The following PRKN variants were observed in gnomAD, a reference collection of about 807,000 sequenced individuals.
The protein encoded by PRKN is E3 ubiquitin-protein ligase parkin.
In PRKN, 56 loss-of-function variants were observed where a neutral mutation model predicts 59.5. The observed-to-expected ratio is 0.94, with a 90% CI of 0.76 to 1.18. PRKN has a LOEUF of 1.18. Ranked by LOEUF, PRKN falls within the 50% of genes most tolerant of loss-of-function variation. The probability of loss-of-function intolerance (pLI) is 0.00; values close to 1 mark genes in which losing one functional copy is unlikely to be tolerated. For missense variants in PRKN, 657 were observed against 596.4 expected, an observed-to-expected ratio of 1.10 and a Z score of -1.06; for synonymous variants, 250 against 222.1, an observed-to-expected ratio of 1.13 and a Z score of -1.12.
intron 1 of PRKN, among the ~76,000 whole-genome samples, chr6:162,685,684 C>T (rs1012227439): frequency 6.6e-6 from 1 of 152,182 alleles, no homozygotes; most frequent in Non-Finnish European, 1.5e-5. Flanking sequence ...AATTATCTTT[C>T]GTATGCTCAC....
At chr6:161,938,864 A>G (rs1289438889) in intron 6 of PRKN, among the ~76,000 whole-genome samples, 2 of 152,210 alleles carry the variant, frequency 1.3e-5, no homozygotes, top group Non-Finnish European at 2.9e-5. Flanking sequence ...GATACGTTTC[A>G]GCATTTGTGA....
chr6:162,105,492 C>T (rs979204770), intron 4 of PRKN, among the ~76,000 whole-genome samples: 2 of 152,216 alleles, frequency 1.3e-5, no homozygotes, highest in Non-Finnish European at 2.9e-5. Flanking sequence ...ACCTCCACTT[C>T]CTGGGTTCGA....
intron 4 of PRKN, among the ~76,000 whole-genome samples, chr6:162,174,966 T>C (rs1264078736): frequency 5.9e-5 from 9 of 152,208 alleles, no homozygotes; most frequent in African/African-American, 1.7e-4. Flanking sequence ...TTTAGATAAC[T>C]TGGAAATTAC....
At chr6:162,403,264 C>G (rs966519051) in intron 2 of PRKN, among the ~76,000 whole-genome samples, 10 of 152,040 alleles carry the variant, frequency 6.6e-5, no homozygotes, top group African/African-American at 2.4e-4. Context: ...CTCCTGCCAG[C>G]GAATGCTTGC....
At position 161,630,447 on chromosome 6, in the gene PRKN, T is replaced by C. The variant is rs191056867; in HGVS notation, c.872-61031A>G. Among the ~76,000 whole-genome samples, 3 of 152,316 alleles carry C rather than the reference T, an allele frequency of 2.0e-5. No individual in the cohort carries two copies. The East Asian group carries it at 5.8e-4, about 29-fold the overall frequency. On this transcript the variant is annotated intron_variant, in intron 7 of 11. Coordinates refer to ENST00000366898, the MANE Select transcript of PRKN (RefSeq NM_004562.3). ...GACATAGTTTATACTGTCATCATAATAGAATTTCAGAACTGAAATTAAATA... is the reference window on the plus strand; with the variant it reads ...GACATAGTTTATACTGTCATCATAACAGAATTTCAGAACTGAAATTAAATA...
chr6:161,789,674 G>A (rs1168419142), intron 6 of PRKN, among the ~76,000 whole-genome samples: 1 of 152,066 alleles, frequency 6.6e-6, no homozygotes, highest in Non-Finnish European at 1.5e-5. Context: ...CCTGACTTTT[G>A]TTTAAAGTGT....
At chr6:161,896,853 T>C (rs959836062) in intron 6 of PRKN, among the ~76,000 whole-genome samples, 1 of 152,344 alleles carries the variant, frequency 6.6e-6, no homozygotes, top group African/African-American at 2.4e-5. Context: ...TTTCTGGTCA[T>C]GTTCTATTCC....
chr6:162,229,504 C>A (rs921625923), intron 3 of PRKN, among the ~76,000 whole-genome samples: 6 of 152,160 alleles, frequency 3.9e-5, no homozygotes. Context: ...CTGGGCTTTT[C>A]TTTTAGAAAC....
At chr6:161,766,296 C>T (rs1789418021) in intron 7 of PRKN, among the ~76,000 whole-genome samples, 2 of 148,454 alleles carry the variant, frequency 1.3e-5, no homozygotes, top group South Asian at 2.2e-4. Context: ...AAAACTTATG[C>T]CTGCTGTCAT....
At position 161,795,191 on chromosome 6, in the gene PRKN, G is replaced by A. The variant is rs191643205; in HGVS notation, c.735-9283C>T. Among the ~76,000 whole-genome samples the A allele has an allele frequency of 9.7e-4, 140 of 143,780 alleles. No homozygotes were observed. The Middle Eastern group carries it at 0.012, about 13-fold the overall frequency. The allele number at this position is 143,780 out of a possible 152,430, so 94.3% of individuals were successfully genotyped here. A position where few individuals can be genotyped will look rare whatever the true frequency, so the allele number is the denominator to read the frequency against. On this transcript the variant is annotated intron_variant, in intron 6 of 11. Transcript: ENST00000366898. Reference sequence around the variant, plus strand: ...GAGTCACCGTGCCTGGCCTAACTTAGTATTATTACATGTTATTTGTATTAC... The same window carrying A: ...GAGTCACCGTGCCTGGCCTAACTTAATATTATTACATGTTATTTGTATTAC...
intron 7 of PRKN, among the ~76,000 whole-genome samples, chr6:161,710,982 T>C (rs1451790519): frequency 6.7e-6 from 1 of 148,906 alleles, no homozygotes; most frequent in Non-Finnish European, 1.5e-5. Flanking sequence ...TACCCTCTTT[T>C]CCCCTTTCCT....
intron 5 of PRKN, among the ~76,000 whole-genome samples, chr6:162,017,679 T>C (rs1462493188): frequency 6.6e-6 from 1 of 152,194 alleles, no homozygotes; most frequent in Non-Finnish European, 1.5e-5. Context: ...ATCTAATTAA[T>C]TCAGATATTT....
intron 5 of PRKN, among the ~76,000 whole-genome samples, chr6:162,052,724 T>C (rs2128285074): frequency 6.6e-6 from 1 of 152,274 alleles, no homozygotes; most frequent in Non-Finnish European, 1.5e-5. Flanking sequence ...TCTAACATTA[T>C]ACACATAATG....
rs1437885023 is a variant in PRKN, at chr6:161,391,184, C to T, written c.1084-4307G>A. On this transcript the variant is annotated intron_variant, in intron 9 of 11. Coordinates refer to ENST00000366898, the MANE Select transcript of PRKN (RefSeq NM_004562.3). This position sits in a 1 kb window ranked among gnomAD's most constrained non-coding sequence, Gnocchi z 4.9. The stretch of plus-strand genomic sequence containing the variant: ...AGCTGCATGTCTCATATCTGGGGCG[C>T]CTGGATCCTTCTTTAACCAACCATG... Among the ~76,000 whole-genome samples the T allele has an allele frequency of 6.6e-6, 1 of 152,082 alleles. No individual in the cohort carries two copies. The highest frequency in any genetic ancestry group is 1.5e-5 in the Non-Finnish European group (1 of 68,040).
intron 2 of PRKN, among the ~76,000 whole-genome samples, chr6:162,345,665 G>T (rs886312956): frequency 1.1e-4 from 16 of 152,082 alleles, no homozygotes; most frequent in Admixed American, 1.0e-3. Context: ...CCTGTTGTTA[G>T]CATACAGAAA....
At chr6:162,326,418 G>A (rs1161641241) in intron 2 of PRKN, among the ~76,000 whole-genome samples, 1 of 152,036 alleles carries the variant, frequency 6.6e-6, no homozygotes, top group East Asian at 1.9e-4. Context: ...AAAAATCAAT[G>A]AATTTAAGAG....
intron 5 of PRKN, among the ~76,000 whole-genome samples, chr6:161,990,704 TA>T (rs1351007499): frequency 4.6e-5 from 7 of 152,142 alleles, no homozygotes; most frequent in Admixed American, 1.3e-4. Flanking sequence ...ATAACCCAGT[TA>T]AAAAATTTTA....
At chr6:161,859,472 G>A (rs921588199) in intron 6 of PRKN, among the ~76,000 whole-genome samples, 3 of 151,710 alleles carry the variant, frequency 2.0e-5, no homozygotes, top group Admixed American at 6.6e-5. Context: ...GCATGGTGGC[G>A]CATGCCTGTA....
chr6:162,461,528 A>AAAAAAAAAAAAAAG (rs71004092), intron 1 of PRKN, among the ~76,000 whole-genome samples: 1 of 118,498 alleles, frequency 8.4e-6, no homozygotes, highest in Non-Finnish European at 1.8e-5. Context: ...AAAAAAAAAA[A>AAAAAAAAAAAAAAG]GAAAGAAAAA....
Sources: allele counts gnomAD v4.1 joint callset (sites outside exome capture counted in the v4.1 genomes callset), GRCh38; gene constraint gnomAD v4.1.1; non-coding constraint Gnocchi (gnomAD v3.1); transcripts MANE v1.5; gene names NCBI Gene and HGNC (gene_info 2026-07-23, HGNC 2026-07-21).